ADGRG7: variants seen among roughly 807,000 people sequenced by gnomAD.
ADGRG7 encodes G-protein coupled receptor 128.
In ADGRG7, 82 loss-of-function variants were observed where a neutral mutation model predicts 88.6. The observed-to-expected ratio is 0.93, with a 90% confidence interval of 0.77 to 1.11. The LOEUF is 1.11. Ranked by LOEUF, ADGRG7 falls within the 50% of genes most tolerant of loss-of-function variation. The probability of loss-of-function intolerance (pLI) is 0.00; values close to 1 mark genes in which losing one functional copy is unlikely to be tolerated. For missense variants in ADGRG7, 945 were observed against 953.4 expected, an observed-to-expected ratio of 0.99 and a Z score of 0.12; for synonymous variants, 381 against 345.2, an observed-to-expected ratio of 1.10 and a Z score of -1.15.
chr3:100,694,703 C>A, intron 15 of ADGRG7, 41 bp from the exon 16 acceptor site: 2 of 1,589,066 alleles, frequency 1.3e-6, no homozygotes, highest in South Asian at 1.1e-5. Flanking sequence ...GATACTGTAT[C>A]TCAGCACTTA....
At position 100,666,506 on chromosome 3, in the gene ADGRG7, C is replaced by T. The variant is rs543932961; in HGVS notation, c.1980-2443C>T. On this transcript the variant is annotated intron_variant, in intron 14 of 15. Coordinates refer to ENST00000273352, the MANE Select transcript of ADGRG7 (RefSeq NM_032787.3). Reference sequence around the variant, plus strand: ...TGCTTTACGAAGCAGTATTGCTGCTCGCATGTCCCACCTCAGCCCTAAGGC... The same window carrying T: ...TGCTTTACGAAGCAGTATTGCTGCTTGCATGTCCCACCTCAGCCCTAAGGC... 2.3e-3 allele frequency among the ~76,000 whole-genome samples: 357 copies of T among 152,348 alleles called. 1 individual carries two copies. The highest frequency in any genetic ancestry group is 8.3e-3 in the African/African-American group (347 of 41,566).
At chr3:100,641,880 A>T (rs558985461) in intron 6 of ADGRG7, among the ~76,000 whole-genome samples, 20 of 152,276 alleles carry the variant, frequency 1.3e-4, no homozygotes, top group Non-Finnish European at 2.6e-4. Context: ...TCCTGATATA[A>T]CTACAGCACT....
chr3:100,629,859 A>G, intron 2 of ADGRG7, 148 bp downstream of exon 2: 2 of 576,874 alleles, frequency 3.5e-6, no homozygotes, highest in Non-Finnish European at 6.1e-6. Context: ...TTATCAGCTC[A>G]ATAGTAAAAG....
chr3:100,642,450 A>G (rs1299886000), intron 6 of ADGRG7, among the ~76,000 whole-genome samples: 1 of 152,210 alleles, frequency 6.6e-6, no homozygotes, highest in Non-Finnish European at 1.5e-5. Flanking sequence ...GGAGGTAGAG[A>G]AAAGATATTT....
intron 1 of ADGRG7, among the ~76,000 whole-genome samples, chr3:100,615,215 G>A (rs1340504920): frequency 6.6e-6 from 1 of 152,072 alleles, no homozygotes; most frequent in African/African-American, 2.4e-5. Context: ...GAGGGGGTTG[G>A]GTTGATGAAT....
intron 6 of ADGRG7, among the ~76,000 whole-genome samples, chr3:100,639,408 C>T (rs776813430): frequency 2.0e-5 from 3 of 152,138 alleles, no homozygotes; most frequent in Non-Finnish European, 4.4e-5. Flanking sequence ...GTAGAAAAAG[C>T]ACAAAGGCAC....
In ADGRG7 at chr3:100,673,347, T is replaced by C. The variant is rs140117247; in HGVS notation, c.2136+4242T>C. On this transcript the variant is annotated intron_variant, in intron 15 of 15. Coordinates refer to ENST00000273352, the MANE Select transcript of ADGRG7 (RefSeq NM_032787.3). Reference sequence around the variant, plus strand: ...CATTTCTTCTCAATTTTCTAGTTTATTTGCATAGAGGTTTTTATAGTACTC... The same window carrying C: ...CATTTCTTCTCAATTTTCTAGTTTACTTGCATAGAGGTTTTTATAGTACTC... 6.7e-3 allele frequency among the ~76,000 whole-genome samples: 1,023 copies of C among 152,332 alleles called. 16 individuals are homozygous for C. Among genetic ancestry groups the C allele is most frequent in the African/African-American group, 0.023 (973 of 41,578 alleles).
chr3:100,615,077 G>A (rs1707205415), intron 1 of ADGRG7, among the ~76,000 whole-genome samples: 1 of 152,168 alleles, frequency 6.6e-6, no homozygotes, highest in African/African-American at 2.4e-5. Flanking sequence ...GCAATCAATG[G>A]TAAAGGCAGG....
intron 1 of ADGRG7, among the ~76,000 whole-genome samples, chr3:100,618,266 G>T (rs563775228): frequency 6.6e-6 from 1 of 152,098 alleles, no homozygotes; most frequent in African/African-American, 2.4e-5. Context: ...ATTGCTTTTG[G>T]TGTTTTCGAC....
intron 14 of ADGRG7, chr3:100,665,157 T>G (rs2094950175): frequency 3.7e-6 from 2 of 538,312 alleles, no homozygotes; most frequent in Non-Finnish European, 7.6e-6. Flanking sequence ...AGCTTATTCT[T>G]ACTGCCAGCA....
intron 11 of ADGRG7, 63 bp from the exon 12 acceptor site, chr3:100,654,772 A>T: frequency 1.0e-6 from 1 of 983,294 alleles, no homozygotes. Context: ...ATTTCACTGC[A>T]GTTTGTTTTG....
intron 15 of ADGRG7, among the ~76,000 whole-genome samples, chr3:100,686,173 C>A (rs2094982291): frequency 6.6e-6 from 1 of 151,852 alleles, no homozygotes; most frequent in South Asian, 2.1e-4. Context: ...TAAATGTCTT[C>A]TTTTGAGAAG....
At chr3:100,682,399 C>G (rs560812378) in intron 15 of ADGRG7, among the ~76,000 whole-genome samples, 2 of 152,278 alleles carry the variant, frequency 1.3e-5, no homozygotes, top group Non-Finnish European at 2.9e-5. Context: ...GTGCCCGCTT[C>G]GAGGACCCAG....
At chr3:100,628,542 G>C (rs1707414579) in intron 1 of ADGRG7, among the ~76,000 whole-genome samples, 1 of 152,064 alleles carries the variant, frequency 6.6e-6, no homozygotes, top group Middle Eastern at 3.4e-3. Flanking sequence ...TTTTAGTAGA[G>C]ATGCGGTTTC....
At chr3:100,628,944 G>A (rs1197877741) in intron 1 of ADGRG7, among the ~76,000 whole-genome samples, 1 of 151,920 alleles carries the variant, frequency 6.6e-6, no homozygotes, top group Admixed American at 6.6e-5. Context: ...CCCCTCTAAG[G>A]TTCCTTCAAG....
Position 100,662,351 on chromosome 3 carries a change from A to G in ADGRG7, c.1979+2508A>G, listed in dbSNP as rs528636844. Among the ~76,000 whole-genome samples the G allele has an allele frequency of 1.1e-4, 16 of 152,338 alleles. No individual in the cohort carries two copies. In the South Asian group the frequency reaches 2.5e-3, roughly 24 times the overall value. On this transcript the variant is annotated intron_variant, in intron 14 of 15. Transcript: ENST00000273352. Reference sequence around the variant, plus strand: ...TTTAGTAATGACAGTAAAAAAATTTAGCAACACGCTCTTAACAGTATGTTT... The same window carrying G: ...TTTAGTAATGACAGTAAAAAAATTTGGCAACACGCTCTTAACAGTATGTTT...
At position 100,659,678 on chromosome 3, in the gene ADGRG7, T is replaced by C. The variant is rs759631070; in HGVS notation, c.1824-10T>C. ...TAGTCTGCTGAAGCAATTTTTTTTT[T>C]CCTCCACAGCTGCTGGCTGGCAATT... is the stretch of plus-strand genomic sequence containing the variant. On this transcript the variant is annotated splice_polypyrimidine_tract_variant and intron_variant, in intron 13 of 15. Coordinates refer to ENST00000273352, the MANE Select transcript of ADGRG7 (RefSeq NM_032787.3). The C allele has an allele frequency of 2.9e-5, 47 of 1,611,160 alleles. No homozygotes were observed. Among genetic ancestry groups the C allele is most frequent in the Non-Finnish European group, 3.6e-5 (43 of 1,179,020 alleles).
chr3:100,620,869 T>A (rs1487015522), intron 1 of ADGRG7, among the ~76,000 whole-genome samples: 1 of 152,056 alleles, frequency 6.6e-6, no homozygotes, highest in Non-Finnish European at 1.5e-5. Flanking sequence ...TTGTGGCAAC[T>A]CTGTGTCAAG....
At chr3:100,641,166 A>C (rs1185127846) in intron 6 of ADGRG7, among the ~76,000 whole-genome samples, 1 of 152,210 alleles carries the variant, frequency 6.6e-6, no homozygotes, top group Admixed American at 6.5e-5. Flanking sequence ...TCAAGTGCAA[A>C]GTTTAAGGAC....
Sources: allele counts gnomAD v4.1 joint callset (sites outside exome capture counted in the v4.1 genomes callset), GRCh38; gene constraint gnomAD v4.1.1; transcripts MANE v1.5; gene names NCBI Gene and HGNC (gene_info 2026-07-23, HGNC 2026-07-21).